Variants in ZNF432 observed in about 807,000 individuals in gnomAD.
The protein encoded by ZNF432 is zinc finger protein 432.
ZNF432 carries 10 observed loss-of-function variants against 13.9 expected under a neutral mutation model. The observed-to-expected ratio is 0.72, with a 90% CI of 0.44 to 1.22. The LOEUF (loss-of-function observed/expected upper bound fraction) is 1.22. ZNF432 is among the 50% of genes most tolerant of loss of function. The probability of loss-of-function intolerance (pLI) is 0.00; values close to 1 mark genes in which losing one functional copy is unlikely to be tolerated. For synonymous variants in ZNF432, 247 were observed against 256.2 expected, an observed-to-expected ratio of 0.96 and a Z score of 0.34; for missense variants, 793 against 796.2, an observed-to-expected ratio of 1.00 and a Z score of 0.05.
chr19:52,034,447 G>A lies in ZNF432; in HGVS notation c.1232C>T (p.Pro411Leu). ...YICSECGKGF[P>L]RKSNLIVHQR... Reference sequence around the variant, plus strand: ...ATGTACAATAAGATTACTCTTCCTGGGAAAGCCTTTTCCACATTCACTGCA... The same window carrying A: ...ATGTACAATAAGATTACTCTTCCTGAGAAAGCCTTTTCCACATTCACTGCA... The change falls in exon 5 of 5, where the codon CCC becomes CTC. Residue 411 changes from proline (P) to leucine (L), a missense_variant. Transcript: ENST00000221315. 4.3e-6 allele frequency: 7 copies of A among 1,613,710 alleles called. No homozygotes were observed. The highest frequency in any genetic ancestry group is 5.9e-6 in the Non-Finnish European group (7 of 1,179,922).
At chr19:52,045,755 G>C (rs565382678) in intron 2 of ZNF432, among the ~76,000 whole-genome samples, 1 of 151,258 alleles carries the variant, frequency 6.6e-6, no homozygotes, top group Non-Finnish European at 1.5e-5. Context: ...AGCACTTTGG[G>C]AGGCCGAGGC....
In ZNF432 at chr19:52,034,676, G is replaced by A. The variant is rs1009454831; in HGVS notation, c.1003C>T (p.His335Tyr). The change falls in exon 5 of 5, where the codon CAT (histidine) becomes TAT (tyrosine). Residue 335 changes from histidine (H) to tyrosine (Y), a missense_variant. Coordinates refer to ENST00000221315, the MANE Select transcript of ZNF432 (RefSeq NM_014650.4). Reference sequence around the variant, plus strand: ...TTCTCTCCTGTATGAGTTCGCTGATGTATAATAAGCATGCTCTTCCCAGTG... The same window carrying A: ...TTCTCTCCTGTATGAGTTCGCTGATATATAATAAGCATGCTCTTCCCAGTG... ...GFTGKSMLII[H>Y]QRTHTGEKPY... is the part of the protein sequence containing the mutation. 1.2e-6 allele frequency: 2 copies of A among 1,613,792 alleles called. No homozygotes were observed. Among genetic ancestry groups the A allele is most frequent in the African/African-American group, 2.7e-5 (2 of 74,910 alleles).
At position 52,035,251 on chromosome 19, in the gene ZNF432, A is replaced by G. The variant is rs2087067464; in HGVS notation, c.428T>C (p.Leu143Ser). ...YIKTLKSNLS[L>S]VNQNKSCEIN... Reference sequence around the variant, plus strand: ...TTCACAGCTTTTGTTCTGGTTGACTAAACTTAAATTTGATTTCAAAGTTTT... The same window carrying G: ...TTCACAGCTTTTGTTCTGGTTGACTGAACTTAAATTTGATTTCAAAGTTTT... The change falls in exon 5 of 5, where the codon TTA becomes TCA. Residue 143 changes from leucine (L) to serine (S), a missense_variant. Transcript: ENST00000221315. 6.2e-7 allele frequency: 1 copy of G among 1,605,100 alleles called. No homozygotes were observed. Among genetic ancestry groups the G allele is most frequent in the African/African-American group, 1.3e-5 (1 of 74,348 alleles).
Position 52,041,361 on chromosome 19 carries a change from G to A in ZNF432, c.142+119C>T, listed in dbSNP as rs573449216. ...CGGTATATCCTTTTATCAGAAGCCA[G>A]AGGATGTGCCAAAAATCTAATATTC... On this transcript the variant is annotated intron_variant, in intron 3 of 4. Transcript: ENST00000221315. 7.9e-5 allele frequency: 105 copies of A among 1,329,960 alleles called. 2 individuals carry two copies. The South Asian group carries it at 1.4e-3, about 18-fold the overall frequency. The allele number at this position is 1,329,960 out of a possible 1,614,324, so 82.4% of individuals were successfully genotyped here. A position where few individuals can be genotyped will look rare whatever the true frequency, so the allele number is the denominator to read the frequency against.
intron 2 of ZNF432, among the ~76,000 whole-genome samples, chr19:52,043,975 C>T (rs902901551): frequency 7.2e-5 from 11 of 152,098 alleles, no homozygotes; most frequent in Non-Finnish European, 1.3e-4. Flanking sequence ...ATATGCTGAA[C>T]GCTGGTTCCC....
chr19:52,041,882 G>GA (rs1374924627), intron 2 of ZNF432, among the ~76,000 whole-genome samples: 7 of 152,128 alleles, frequency 4.6e-5, no homozygotes, highest in African/African-American at 1.7e-4. Context: ...GACCAGTCAA[G>GA]AAAGTATATG....
chr19:52,035,574 C>A (rs996403125), intron 4 of ZNF432, 134 bp from the exon 5 acceptor site: 9 of 749,012 alleles, frequency 1.2e-5, no homozygotes, highest in Non-Finnish European at 1.6e-5. Context: ...GCTCTGTTAC[C>A]CAGGCTGGAG....
At chr19:52,048,252 G>T (rs1056495386) in intron 1 of ZNF432, among the ~76,000 whole-genome samples, 1 of 150,274 alleles carries the variant, frequency 6.7e-6, no homozygotes, top group Non-Finnish European at 1.5e-5. Context: ...CCACCACCCC[G>T]CCAGATAAAA....
At chr19:52,039,076 A>G (rs1216660208) in intron 4 of ZNF432, among the ~76,000 whole-genome samples, 1 of 152,238 alleles carries the variant, frequency 6.6e-6, no homozygotes, top group East Asian at 1.9e-4. Context: ...CAAAGGCTCA[A>G]GTGAACTTCC....
At chr19:52,046,458 C>T (rs989765011) in intron 2 of ZNF432, among the ~76,000 whole-genome samples, 4 of 152,158 alleles carry the variant, frequency 2.6e-5, no homozygotes, top group African/African-American at 9.7e-5. Flanking sequence ...TATTAGAAAG[C>T]TAGTTCAAAA....
chr19:52,040,681 T>C (rs1466829842), intron 3 of ZNF432, 98 bp from the exon 4 acceptor site: 2 of 948,866 alleles, frequency 2.1e-6, no homozygotes, highest in African/African-American at 1.6e-5. Context: ...AGTTTTCACA[T>C]CTGAAAGTAG....
At chr19:52,047,296 G>A (rs1046955249) in intron 1 of ZNF432, 1 of 182,230 alleles carries the variant, frequency 5.5e-6, no homozygotes, top group African/African-American at 2.4e-5. Context: ...TTTTAAATCA[G>A]GCCATATGGA....
In ZNF432 at chr19:52,041,448, CCCT is replaced by C. The variant is rs758356010; in HGVS notation, c.142+29_142+31del. 2.5e-4 allele frequency: 393 copies of C among 1,552,734 alleles called. 1 individual carries two copies. Among genetic ancestry groups the C allele is most frequent in the Non-Finnish European group, 3.7e-5 (43 of 1,150,920 alleles). ...GAAAGCAAAGGCCACAGACTGGGCA[CCCT>C]CCAGGTGACACAGAGCAGCTGTCCT... On this transcript the variant is annotated intron_variant, in intron 3 of 4. Coordinates refer to ENST00000221315, the MANE Select transcript of ZNF432 (RefSeq NM_014650.4).
Position 52,033,613 on chromosome 19 carries a change from A to G in ZNF432, c.*107T>C. ...AGTGAATAACACTGGATTTTGAAAT[A>G]TGATTTTTCATACTCAGTACACATG... is the stretch of plus-strand genomic sequence containing the variant. On this transcript the variant is annotated 3_prime_UTR_variant, in exon 5 of 5. Transcript: ENST00000221315. 3 of 1,289,552 alleles carry G rather than the reference A, an allele frequency of 2.3e-6. No individual in the cohort carries two copies. Among genetic ancestry groups the G allele is most frequent in the Non-Finnish European group, 3.2e-6 (3 of 947,420 alleles). 79.9% of individuals were successfully genotyped at this position (1,289,552 alleles called of 1,614,324 possible).
In ZNF432 at chr19:52,034,782, TG is replaced by T. The variant is rs2087059109; in HGVS notation, c.896del (p.Pro299GlnfsTer86). ...GATGTACAATGAGATTACGCTTGCC[TG>T]GGAAGCCTTTTCCACATTCATTGCA... ...YICNECGKGF[P>X]GKRNLIVHQR... On this transcript the variant is annotated frameshift_variant, in exon 5 of 5. Transcript: ENST00000221315. LOFTEE classifies it low-confidence loss of function (END_TRUNC). The T allele has an allele frequency of 1.2e-6, 2 of 1,610,192 alleles. No homozygotes were observed. Among genetic ancestry groups the T allele is most frequent in the East Asian group, 4.5e-5 (2 of 44,710 alleles).
At position 52,033,900 on chromosome 19, in the gene ZNF432, T is replaced by A; in HGVS notation, c.1779A>T (p.Gly593=). ...ELALHKQVHT[G]EKPYGCNECG... is the part of the protein sequence containing the mutation. Reference sequence around the variant, plus strand: ...ATTCATTACATCCATAAGGTTTTTCTCCAGTATGAACTTGCTTATGTAAAG... The same window carrying A: ...ATTCATTACATCCATAAGGTTTTTCACCAGTATGAACTTGCTTATGTAAAG... The change falls in exon 5 of 5, where the codon GGA becomes GGT. Residue 593 remains glycine (G), a synonymous_variant. Coordinates refer to ENST00000221315, the MANE Select transcript of ZNF432 (RefSeq NM_014650.4). 6.2e-7 allele frequency: 1 copy of A among 1,614,094 alleles called. No individual in the cohort carries two copies. Among genetic ancestry groups the A allele is most frequent in the Non-Finnish European group, 8.5e-7 (1 of 1,180,014 alleles).
At position 52,033,973 on chromosome 19, in the gene ZNF432, C is replaced by G; in HGVS notation, c.1706G>C (p.Cys569Ser). The change falls in exon 5 of 5, where the codon TGT (cysteine) becomes TCT (serine). Residue 569 changes from cysteine (C) to serine (S), a missense_variant. Physicochemically the swap from Cys to Ser is moderately radical, Grantham distance 112. Transcript: ENST00000221315. ...GCCTCTTCCACATTCACTACATATA[C>G]AAGATTTCTCTTCTGTATGAATTTG... ...HQQIHTEEKS[C>S]ICSECGRGFA... The G allele has an allele frequency of 6.2e-7, 1 of 1,614,106 alleles. No individual in the cohort carries two copies.
Position 52,034,678 on chromosome 19 carries a change from A to G in ZNF432, c.1001T>C (p.Ile334Thr). The G allele has an allele frequency of 2.5e-6, 4 of 1,613,574 alleles. No individual in the cohort carries two copies. The highest frequency in any genetic ancestry group is 2.5e-6 in the Non-Finnish European group (3 of 1,179,860). Reference sequence around the variant, plus strand: ...CTCTCCTGTATGAGTTCGCTGATGTATAATAAGCATGCTCTTCCCAGTGAA... The same window carrying G: ...CTCTCCTGTATGAGTTCGCTGATGTGTAATAAGCATGCTCTTCCCAGTGAA... ...KGFTGKSMLI[I>T]HQRTHTGEKP... Residue 334 changes from isoleucine (I) to threonine (T), a missense_variant, in exon 5 of 5, where the codon ATA becomes ACA. By Grantham distance (89) the Ile-to-Thr change is moderately conservative. Transcript: ENST00000221315.
chr19:52,040,692 A>G lies in ZNF432; in HGVS notation c.143-109T>C, dbSNP rs187078166. The G allele has an allele frequency of 2.2e-4, 193 of 860,666 alleles. No homozygotes were observed. The African/African-American group carries it at 2.8e-3, about 13-fold the overall frequency. 53.3% of individuals were successfully genotyped at this position (860,666 alleles called of 1,614,324 possible). A position where few individuals can be genotyped will look rare whatever the true frequency, so the allele number is the denominator to read the frequency against. ...AGACAGTTTTCACATCTGAAAGTAGAGGCTTCTCTCTCAGGAAAGGGCAGA... is the reference window on the plus strand; with the variant it reads ...AGACAGTTTTCACATCTGAAAGTAGGGGCTTCTCTCTCAGGAAAGGGCAGA... On this transcript the variant is annotated intron_variant, in intron 3 of 4. Coordinates refer to ENST00000221315, the MANE Select transcript of ZNF432 (RefSeq NM_014650.4).
Sources: allele counts gnomAD v4.1 joint callset (sites outside exome capture counted in the v4.1 genomes callset), GRCh38; gene constraint gnomAD v4.1.1; transcripts MANE v1.5; gene names NCBI Gene and HGNC (gene_info 2026-07-23, HGNC 2026-07-21).